TRIP4: variants seen among roughly 807,000 people sequenced by gnomAD.
TRIP4 encodes the protein thyroid hormone receptor interactor 4.
A neutral mutation model predicts 81.8 loss-of-function variants in TRIP4; 54 were observed. The observed-to-expected ratio is 0.66, with a 90% confidence interval of 0.53 to 0.83. The LOEUF is 0.83. Ranked by LOEUF, TRIP4 falls within the 40% of genes least tolerant of loss-of-function variation. The pLI, the probability that TRIP4 is intolerant of heterozygous loss-of-function variation, is 0.00. For synonymous variants in TRIP4, 270 were observed against 242.8 expected (o/e 1.11, Z -1.04); for missense variants, 662 against 683.6 (o/e 0.97, Z 0.35).
chr15:64,450,528 G>A (rs866050357), intron 12 of TRIP4: 30 of 352,026 alleles, frequency 8.5e-5, no homozygotes, highest in Admixed American at 2.6e-4. Context: ...AAGAAGCCCC[G>A]GTCCCTTACC....
At chr15:64,396,579 A>G (rs1900302114) in intron 3 of TRIP4, among the ~76,000 whole-genome samples, 1 of 152,158 alleles carries the variant, frequency 6.6e-6, no homozygotes, top group South Asian at 2.1e-4. Context: ...GTGCCCAGCC[A>G]GTGTCTAGCT....
At chr15:64,406,659 C>T (rs1484759275) in intron 6 of TRIP4, among the ~76,000 whole-genome samples, 200 bp downstream of exon 6, 1 of 152,184 alleles carries the variant, frequency 6.6e-6, no homozygotes, top group Non-Finnish European at 1.5e-5. Flanking sequence ...GAAAAGAATC[C>T]TGTCCTGTAG....
At chr15:64,414,624 C>T (rs962737011) in intron 8 of TRIP4, among the ~76,000 whole-genome samples, 17 of 137,720 alleles carry the variant, frequency 1.2e-4, no homozygotes, top group Admixed American at 4.3e-4. Context: ...TCAAGCTATT[C>T]TCCTGCTTCA....
intron 7 of TRIP4, among the ~76,000 whole-genome samples, chr15:64,413,071 G>A (rs544693139): frequency 1.1e-4 from 16 of 152,194 alleles, no homozygotes; most frequent in African/African-American, 3.4e-4. Flanking sequence ...AGCAAAGATA[G>A]AATGCAGACT....
intron 1 of TRIP4, chr15:64,388,169 G>T: frequency 1.1e-6 from 1 of 941,048 alleles, no homozygotes; most frequent in Non-Finnish European, 1.4e-6. Flanking sequence ...CTGCCGGTCG[G>T]GCTTTTTTCC....
intron 4 of TRIP4, among the ~76,000 whole-genome samples, chr15:64,398,335 A>T (rs974333140): frequency 7.1e-6 from 1 of 141,342 alleles, no homozygotes; most frequent in African/African-American, 2.7e-5. Context: ...TGGGAAGCCA[A>T]GGTGGGTTTT....
At chr15:64,436,167 T>C (rs992966375) in intron 11 of TRIP4, among the ~76,000 whole-genome samples, 5 of 151,852 alleles carry the variant, frequency 3.3e-5, no homozygotes, top group African/African-American at 4.8e-5. Context: ...TGGTGACATA[T>C]GCCTGTGTTC....
chr15:64,394,259 G>T, intron 2 of TRIP4, 144 bp downstream of exon 2: 3 of 677,106 alleles, frequency 4.4e-6, no homozygotes, highest in Non-Finnish European at 4.5e-6. Context: ...TTTTTAGTTC[G>T]GTTCTACTCA....
intron 5 of TRIP4, among the ~76,000 whole-genome samples, chr15:64,403,331 A>G (rs907990068): frequency 6.7e-6 from 1 of 149,528 alleles, no homozygotes; most frequent in Non-Finnish European, 1.5e-5. Flanking sequence ...TAAATTTTGT[A>G]TTTTTAGTAG....
chr15:64,401,023 G>A (rs1190185742), intron 5 of TRIP4, among the ~76,000 whole-genome samples: 6 of 151,928 alleles, frequency 3.9e-5, no homozygotes, highest in Non-Finnish European at 5.9e-5. Context: ...GAGCAGTGAC[G>A]CGATCTTGGC....
chr15:64,418,333 A>T (rs193224572), intron 8 of TRIP4, among the ~76,000 whole-genome samples: 13 of 152,310 alleles, frequency 8.5e-5, no homozygotes, highest in African/African-American at 2.2e-4. Context: ...ACTGGCCTAG[A>T]ACTCCTGACC....
chr15:64,413,596 T>A (rs113162868), intron 7 of TRIP4, among the ~76,000 whole-genome samples: 65 of 152,152 alleles, frequency 4.3e-4, no homozygotes, highest in East Asian at 1.2e-3. Context: ...ATTTTTATTT[T>A]TTTTTATTTT....
chr15:64,434,922 T>C (rs1387719221), intron 11 of TRIP4, among the ~76,000 whole-genome samples: 2 of 151,908 alleles, frequency 1.3e-5, no homozygotes, highest in Non-Finnish European at 2.9e-5. Flanking sequence ...TCTTCTAATT[T>C]AAGATATTAT....
chr15:64,444,409 C>T (rs1342415076), intron 11 of TRIP4, among the ~76,000 whole-genome samples: 1 of 152,130 alleles, frequency 6.6e-6, no homozygotes, highest in African/African-American at 2.4e-5. Flanking sequence ...GATAAGAGAT[C>T]CAAAGGAGGT....
intron 9 of TRIP4, among the ~76,000 whole-genome samples, chr15:64,422,166 A>G (rs543748832): frequency 6.6e-6 from 1 of 152,336 alleles, no homozygotes; most frequent in Admixed American, 6.5e-5. Context: ...GTTAAGCAAG[A>G]TGTGACTGTA....
chr15:64,406,518 A>G (rs1156495562), intron 6 of TRIP4, 59 bp downstream of exon 6: 10 of 1,576,300 alleles, frequency 6.3e-6, no homozygotes, highest in Admixed American at 3.6e-5. Flanking sequence ...GATTCTGGCC[A>G]TTATTTTGGT....
At chr15:64,441,777 A>AT in intron 11 of TRIP4, among the ~76,000 whole-genome samples, 1 of 151,322 alleles carries the variant, frequency 6.6e-6, no homozygotes, top group East Asian at 2.0e-4. Flanking sequence ...CGTCTCAAAA[A>AT]ATATATATAT....
At chr15:64,393,499 C>T (rs975508790) in intron 1 of TRIP4, 8 of 151,752 alleles carry the variant, frequency 5.3e-5, no homozygotes, top group African/African-American at 1.9e-4. Flanking sequence ...ACTTCTTTCT[C>T]TTGTAATGAT....
chr15:64,409,829 G>T lies in TRIP4; in HGVS notation c.1043+1G>T. On this transcript the variant is annotated splice_donor_variant, in intron 7 of 12. Transcript: ENST00000261884. LOFTEE classifies it high-confidence loss of function. ...ATTCACTAGCAGAGTATCATAGCAG[G>T]TAAGTGAGCAGCACTAGAAAGGGTC... is the stretch of plus-strand genomic sequence containing the variant. 1 of 1,613,674 alleles carries T rather than the reference G, an allele frequency of 6.2e-7. No homozygotes were observed. The highest frequency in any genetic ancestry group is 8.5e-7 in the Non-Finnish European group (1 of 1,179,788).
Sources: allele counts gnomAD v4.1 joint callset (sites outside exome capture counted in the v4.1 genomes callset), GRCh38; gene constraint gnomAD v4.1.1; transcripts MANE v1.5; gene names NCBI Gene and HGNC (gene_info 2026-07-23, HGNC 2026-07-21).